Variants in ANKFN1 observed in about 807,000 individuals in gnomAD.
ANKFN1 encodes ankyrin repeat and fibronectin type-III domain-containing protein 1.
Under a neutral mutation model 108.7 loss-of-function variants are expected in ANKFN1, and 74 were observed. The ratio of observed to expected loss-of-function variants is 0.68; its 90% confidence interval spans 0.56 to 0.83. The LOEUF (loss-of-function observed/expected upper bound fraction) is 0.83, where lower values mean the gene tolerates loss of function less well. Ranked by LOEUF, ANKFN1 falls within the 40% of genes least tolerant of loss-of-function variation. ANKFN1 has a pLI of 0.00. For missense variants in ANKFN1, 1,505 were observed against 1,382.3 expected, an observed-to-expected ratio of 1.09 and a Z score of -1.41; for synonymous variants, 547 against 516.2, an observed-to-expected ratio of 1.06 and a Z score of -0.81.
chr17:56,256,292 T>C (rs1288093737), intron 3 of ANKFN1, among the ~76,000 whole-genome samples: 1 of 152,200 alleles, frequency 6.6e-6, no homozygotes, highest in Non-Finnish European at 1.5e-5. Context: ...AGGAAATAAT[T>C]ATTTGCAAAT....
At chr17:56,054,882 T>C (rs908611404) in intron 4 of ANKFN1, among the ~76,000 whole-genome samples, 6 of 152,098 alleles carry the variant, frequency 3.9e-5, no homozygotes, top group Admixed American at 1.3e-4. Context: ...CAAGACCCTG[T>C]CTCAAAAACA....
chr17:56,115,984 T>C (rs938749499), intron 4 of ANKFN1, among the ~76,000 whole-genome samples: 1 of 152,162 alleles, frequency 6.6e-6, no homozygotes, highest in Non-Finnish European at 1.5e-5. Context: ...ATTTCCCAAA[T>C]ATGCATTAAC....
chr17:56,065,498 G>T (rs1004459736), intron 4 of ANKFN1, among the ~76,000 whole-genome samples: 35 of 152,212 alleles, frequency 2.3e-4, no homozygotes, highest in African/African-American at 8.4e-4. Context: ...CCTCTGAGAT[G>T]CCTTTCTCGC....
In ANKFN1 at chr17:56,055,565, A is replaced by G. The variant is rs1904854876; in HGVS notation, c.288+9240A>G. On this transcript the variant is annotated intron_variant, in intron 4 of 12. Coordinates refer to the ANKFN1 transcript ENST00000635860. ...GTATATGTGTGTGTGTGGTATATAT[A>G]CATATATATATATATATATATATGT... is the stretch of plus-strand genomic sequence containing the variant. 2.3e-5 allele frequency among the ~76,000 whole-genome samples: 2 copies of G among 86,704 alleles called. 1 individual carries two copies. The highest frequency in any genetic ancestry group is 1.3e-4 in the African/African-American group (2 of 14,920). The allele number at this position is 86,704 out of a possible 152,430, so 56.9% of individuals were successfully genotyped here.
intron 3 of ANKFN1, among the ~76,000 whole-genome samples, chr17:56,303,473 T>A (rs2044729485): frequency 6.6e-6 from 1 of 152,110 alleles, no homozygotes; most frequent in South Asian, 2.1e-4. Flanking sequence ...AGCCATAATA[T>A]CACCAGAACC....
intron 3 of ANKFN1, among the ~76,000 whole-genome samples, chr17:56,259,391 A>G (rs1272547143): frequency 6.6e-6 from 1 of 152,208 alleles, no homozygotes; most frequent in Non-Finnish European, 1.5e-5. Flanking sequence ...TGTATATGAT[A>G]TGCCAAATAT....
chr17:56,344,862 T>TTTTG (rs1424309698), intron 4 of ANKFN1, among the ~76,000 whole-genome samples: 9 of 152,074 alleles, frequency 5.9e-5, no homozygotes, highest in African/African-American at 2.2e-4. Flanking sequence ...GCTACTGTTT[T>TTTTG]TTTGTTTGTT....
At chr17:56,271,325 C>T (rs2043788839) in intron 3 of ANKFN1, among the ~76,000 whole-genome samples, 1 of 152,114 alleles carries the variant, frequency 6.6e-6, no homozygotes, top group Non-Finnish European at 1.5e-5. Context: ...TTTCTGTTGG[C>T]CGCCACCAAA....
intron 3 of ANKFN1, among the ~76,000 whole-genome samples, chr17:56,272,829 G>C: frequency 6.6e-6 from 1 of 152,186 alleles, no homozygotes; most frequent in East Asian, 1.9e-4. Context: ...GGTTTAAGGA[G>C]GGAAATGCAA....
chr17:56,445,668 C>A (rs981657042), intron 10 of ANKFN1, among the ~76,000 whole-genome samples: 3 of 152,146 alleles, frequency 2.0e-5, no homozygotes, highest in Non-Finnish European at 4.4e-5. Flanking sequence ...TGTATTCTAA[C>A]ATGACAGGGT....
Position 56,510,905 on chromosome 17 carries a change from C to T in ANKFN1, c.3077C>T (p.Ser1026Leu), listed in dbSNP as rs1021051504. 11 of 1,536,148 alleles carry T rather than the reference C, an allele frequency of 7.2e-6. No homozygotes were observed. Among genetic ancestry groups the T allele is most frequent in the East Asian group, 2.4e-5 (1 of 40,904 alleles). The change falls in exon 21 of 21, where the codon TCG (serine) becomes TTG (leucine). Residue 1026 changes from serine (S) to leucine (L), a missense_variant. By Grantham distance (145) the Ser-to-Leu change is moderately radical (BLOSUM62 -2). Coordinates refer to ENST00000682825, the MANE Select transcript of ANKFN1 (RefSeq NM_001370326.1). ...TTGCGCATCCACAGCGAGACCCAGT[C>T]GCTATCGCTCTCTGAGGGCATTTAT... is the stretch of plus-strand genomic sequence containing the variant. ...RWLRIHSETQ[S>L]LSLSEGIYTQ...
chr17:56,466,240 A>G (rs558449341), intron 14 of ANKFN1, 116 bp from the exon 15 acceptor site: 27 of 951,618 alleles, frequency 2.8e-5, no homozygotes, highest in Non-Finnish European at 4.0e-5. Context: ...AAAAAAAAAA[A>G]AGAGAGCAAA....
chr17:56,054,482 T>C (rs1328008843), intron 4 of ANKFN1, among the ~76,000 whole-genome samples: 2 of 152,050 alleles, frequency 1.3e-5, no homozygotes, highest in East Asian at 3.9e-4. Flanking sequence ...AAAGTGGATG[T>C]TGCAATAACA....
chr17:56,373,030 T>A (rs764878789), intron 7 of ANKFN1, among the ~76,000 whole-genome samples, 190 bp downstream of exon 7: 1 of 152,302 alleles, frequency 6.6e-6, no homozygotes, highest in East Asian at 1.9e-4. Context: ...TGGCTCCTGA[T>A]GGGTGCTCTG....
At chr17:56,204,841 C>T (rs531733332) in intron 1 of ANKFN1, among the ~76,000 whole-genome samples, 1 of 151,882 alleles carries the variant, frequency 6.6e-6, no homozygotes, top group Non-Finnish European at 1.5e-5. Flanking sequence ...TTTGTGAGGC[C>T]GAGGTGGGCG....
rs185916451 is a variant in ANKFN1, at chr17:56,325,818, G to A, written c.54-403G>A. Among the ~76,000 whole-genome samples, 129 of 152,316 alleles carry A rather than the reference G, an allele frequency of 8.5e-4. 1 individual carries two copies. The highest frequency in any genetic ancestry group is 1.6e-3 in the Non-Finnish European group (108 of 68,034). On this transcript the variant is annotated intron_variant, in intron 3 of 20. Transcript: ENST00000682825. ...CATTTGCACTCACAGATTGCTGGAT[G>A]AGCTCTTGGATGCCAGACAATATTT...
At chr17:56,382,122 A>G (rs1455911627) in intron 8 of ANKFN1, among the ~76,000 whole-genome samples, 1 of 152,232 alleles carries the variant, frequency 6.6e-6, no homozygotes, top group Non-Finnish European at 1.5e-5. Flanking sequence ...TCAGACTAAC[A>G]GCGGATCTCT....
At chr17:56,345,702 T>C (rs1039853215) in intron 4 of ANKFN1, among the ~76,000 whole-genome samples, 1 of 152,198 alleles carries the variant, frequency 6.6e-6, no homozygotes, top group African/African-American at 2.4e-5. Context: ...TTTTGAGAAG[T>C]GTCTGTTCAT....
chr17:56,312,765 G>A (rs2058570297), intron 3 of ANKFN1, among the ~76,000 whole-genome samples: 1 of 152,222 alleles, frequency 6.6e-6, no homozygotes, highest in African/African-American at 2.4e-5. Flanking sequence ...ATAAGGGATG[G>A]ATTCCCTGCT....
Sources: gnomAD v4.1 joint callset for allele counts (sites outside exome capture counted in the v4.1 genomes callset) on GRCh38, gnomAD v4.1.1 for gene constraint, MANE v1.5 for transcripts, NCBI Gene and HGNC (gene_info 2026-07-23, HGNC 2026-07-21) for gene names.